Variants in KMT2A observed in about 807,000 individuals in gnomAD.
KMT2A encodes the protein lysine methyltransferase 2A, also known as histone-lysine N-methyltransferase 2A.
KMT2A carries 16 observed loss-of-function variants against 345.3 expected under a neutral mutation model. The observed-to-expected ratio is 0.05, with a 90% CI of 0.03 to 0.07. The LOEUF (loss-of-function observed/expected upper bound fraction) is 0.07, where lower values mean the gene tolerates loss of function less well. Ranked by LOEUF, KMT2A falls within the 10% of genes least tolerant of loss-of-function variation. The pLI is 1.00. For synonymous variants in KMT2A, 1,599 were observed against 1,778.6 expected, an observed-to-expected ratio of 0.90 and a Z score of 2.54; for missense variants, 3,272 against 4,841.6, an observed-to-expected ratio of 0.68 and a Z score of 9.62.
chr11:118,463,930 A>AT (rs1156417627), intron 1 of KMT2A, among the ~76,000 whole-genome samples: 1 of 152,236 alleles, frequency 6.6e-6, no homozygotes, highest in Non-Finnish European at 1.5e-5. Context: ...TCAGAGCAAC[A>AT]TAAGTTCTGC....
At position 118,510,402 on chromosome 11, in the gene KMT2A, T is replaced by C. The variant is rs1344634325; in HGVS notation, c.11071+284T>C. 2.0e-5 allele frequency among the ~76,000 whole-genome samples: 3 copies of C among 152,130 alleles called. No homozygotes were observed. Among genetic ancestry groups the C allele is most frequent in the African/African-American group, 7.2e-5 (3 of 41,432 alleles). ...CCCCCTCCAGCCTTGTTTTTTGCCA[T>C]TCCCTCATGCGCCTTCTGTGCCCTT... On this transcript the variant is annotated intron_variant, in intron 30 of 35. Coordinates refer to ENST00000534358, the MANE Select transcript of KMT2A (RefSeq NM_001197104.2). The surrounding 1 kb of genome is among the most constrained non-coding windows in gnomAD (Gnocchi z 4.1).
At chr11:118,514,613 G>GTAT (rs1164685382) in intron 31 of KMT2A, among the ~76,000 whole-genome samples, 2 of 150,380 alleles carry the variant, frequency 1.3e-5, no homozygotes, top group Non-Finnish European at 3.0e-5. Flanking sequence ...GCTATTTTTT[G>GTAT]TATTATTATT....
At chr11:118,467,006 C>A (rs1434736972) in intron 1 of KMT2A, among the ~76,000 whole-genome samples, 2 of 151,722 alleles carry the variant, frequency 1.3e-5, no homozygotes, top group African/African-American at 4.8e-5. Flanking sequence ...CCAGCCTGAG[C>A]AAAATATGTA....
Position 118,503,252 on chromosome 11 carries a change from C to G in KMT2A, c.7360C>G (p.Gln2454Glu), listed in dbSNP as rs781793404. Residue 2454 changes from glutamine to glutamate, a missense_variant, in exon 27 of 36, where the codon CAG becomes GAG. Gln to Glu is a conservative substitution (Grantham distance 29). This residue lies in a region of KMT2A where 445 missense variants were observed against 500.9 expected (regional missense o/e 0.89). Coordinates refer to ENST00000534358, the MANE Select transcript of KMT2A (RefSeq NM_001197104.2). The surrounding 1 kb of genome is among the most constrained non-coding windows in gnomAD (Gnocchi z 5.3). ...CAGTAAATCTTTTTTGGAACCTGGT[C>G]AGGTGACAACTGGTGAGGAAGGAAA... ...HSSKSFLEPG[Q>E]VTTGEEGNLK... 1 of 1,614,038 alleles carries G rather than the reference C, an allele frequency of 6.2e-7. No individual in the cohort carries two copies. Among genetic ancestry groups the G allele is most frequent in the South Asian group, 1.1e-5 (1 of 91,036 alleles).
Position 118,503,577 on chromosome 11 carries a change from T to C in KMT2A, c.7685T>C (p.Ile2562Thr). ...QIESTSPTEP[I>T]SASENPGDGP... ...GAGTCAACATCTCCCACAGAACCAA[T>C]TTCAGCCTCTGAAAATCCAGGAGAT... The change falls in exon 27 of 36, where the codon ATT becomes ACT. Residue 2562 changes from isoleucine (I) to threonine (T), a missense_variant. Physicochemically the swap from Ile to Thr is moderately conservative, Grantham distance 89. This residue lies in a region of KMT2A where 445 missense variants were observed against 500.9 expected (regional missense o/e 0.89). Transcript: ENST00000534358. This position sits in a 1 kb window ranked among gnomAD's most constrained non-coding sequence, Gnocchi z 5.3. 1 of 1,614,114 alleles carries C rather than the reference T, an allele frequency of 6.2e-7. No homozygotes were observed. The highest frequency in any genetic ancestry group is 8.5e-7 in the Non-Finnish European group (1 of 1,180,004).
chr11:118,522,264 A>G lies in KMT2A; in HGVS notation c.*92A>G. On this transcript the variant is annotated 3_prime_UTR_variant, in exon 36 of 36. Coordinates refer to ENST00000534358, the MANE Select transcript of KMT2A (RefSeq NM_001197104.2). This position sits in a 1 kb window ranked among gnomAD's most constrained non-coding sequence, Gnocchi z 5.4. ...TTTTCCAGCAGCTGGGAGCTCCCGG[A>G]TTGCGTGGCACAGCTGAGGGGCCTC... is the stretch of plus-strand genomic sequence containing the variant. 7.2e-7 allele frequency: 1 copy of G among 1,391,624 alleles called. No individual in the cohort carries two copies. Among genetic ancestry groups the G allele is most frequent in the Non-Finnish European group, 1.0e-6 (1 of 1,002,344 alleles). The allele number at this position is 1,391,624 out of a possible 1,614,324, so 86.2% of individuals were successfully genotyped here.
chr11:118,441,515 T>C (rs1555140104), intron 1 of KMT2A, among the ~76,000 whole-genome samples: 1 of 152,182 alleles, frequency 6.6e-6, no homozygotes, highest in Non-Finnish European at 1.5e-5. Flanking sequence ...TGTGTTGTCA[T>C]TGTTGTGAAT....
chr11:118,454,994 C>T (rs1424700660), intron 1 of KMT2A, among the ~76,000 whole-genome samples: 3 of 152,052 alleles, frequency 2.0e-5, no homozygotes, highest in Non-Finnish European at 4.4e-5. Flanking sequence ...TAACACCTCT[C>T]CACCCCCCAC....
intron 6 of KMT2A, among the ~76,000 whole-genome samples, chr11:118,480,759 C>A (rs1052616509): frequency 6.6e-6 from 1 of 152,100 alleles, no homozygotes; most frequent in African/African-American, 2.4e-5. Flanking sequence ...ACCTCCCACG[C>A]TCAAGCCATC....
At chr11:118,499,947 C>T (rs782636439) in intron 24 of KMT2A, 34 bp downstream of exon 24, 8 of 1,435,418 alleles carry the variant, frequency 5.6e-6, no homozygotes, top group Non-Finnish European at 7.9e-6. Context: ...AGAGCAGCCC[C>T]ACAACCTGAA....
chr11:118,455,277 C>A (rs1269043155), intron 1 of KMT2A, among the ~76,000 whole-genome samples: 2 of 152,112 alleles, frequency 1.3e-5, no homozygotes, highest in Non-Finnish European at 2.9e-5. Context: ...TTTGTTAGTT[C>A]TTTACATGTA....
At chr11:118,455,928 A>G (rs1278973522) in intron 1 of KMT2A, among the ~76,000 whole-genome samples, 3 of 152,100 alleles carry the variant, frequency 2.0e-5, no homozygotes, top group Non-Finnish European at 2.9e-5. Context: ...GTCTCAAGCA[A>G]GCTGCCTGCT....
At chr11:118,458,161 G>A in intron 1 of KMT2A, 1 of 400,086 alleles carries the variant, frequency 2.5e-6, no homozygotes, top group South Asian at 1.7e-5. Flanking sequence ...ACAGTTCACT[G>A]CAGCCTGTAT....
chr11:118,447,015 A>G (rs1277961352), intron 1 of KMT2A, among the ~76,000 whole-genome samples: 3 of 152,142 alleles, frequency 2.0e-5, no homozygotes, highest in Non-Finnish European at 4.4e-5. Flanking sequence ...CCTTTGCCTT[A>G]AAGTCTTTCC....
chr11:118,496,270 G>A lies in KMT2A; in HGVS notation c.5567G>A (p.Arg1856Lys). 6.2e-7 allele frequency: 1 copy of A among 1,612,600 alleles called. No homozygotes were observed. Among genetic ancestry groups the A allele is most frequent in the African/African-American group, 1.3e-5 (1 of 74,974 alleles). ...TCTTTTGGATTTCAAGGTACTGATA[G>A]GAGTCGAGAAGACAGTCCAGAGCTG... Reference protein sequence around the residue: ...PPTPPILSTDRSREDSPELNP... With the variant: ...PPTPPILSTDKSREDSPELNP... Residue 1856 changes from arginine (R) to lysine (K), a missense_variant, in exon 20 of 36, where the codon AGG becomes AAG. Physicochemically the swap from Arg to Lys is conservative, Grantham distance 26. Coordinates refer to ENST00000534358, the MANE Select transcript of KMT2A (RefSeq NM_001197104.2). This position sits in a 1 kb window ranked among gnomAD's most constrained non-coding sequence, Gnocchi z 4.7.
In KMT2A at chr11:118,501,178, C is replaced by G. The variant is rs782062928; in HGVS notation, c.6319+31C>G. 5 of 1,604,558 alleles carry G rather than the reference C, an allele frequency of 3.1e-6. No homozygotes were observed. In the South Asian group the frequency reaches 5.5e-5, roughly 18 times the overall value. On this transcript the variant is annotated intron_variant, in intron 25 of 35. Transcript: ENST00000534358. ...TCTTGAATCAAGATGGGACTTGAGG[C>G]TGGGCACAGTGGCTCACGCCTGTAA...
intron 1 of KMT2A, among the ~76,000 whole-genome samples, chr11:118,457,464 G>A (rs570212246): frequency 3.8e-4 from 57 of 151,230 alleles, no homozygotes; most frequent in African/African-American, 1.4e-3. Flanking sequence ...GTAGAGACAG[G>A]GTTTCACCAT....
In KMT2A at chr11:118,490,070, G is replaced by T. The variant is rs1950301030; in HGVS notation, c.4576-59G>T. Reference sequence around the variant, plus strand: ...AATGGATGCATTTAAGATCTTTTTAGTTAAGTAAAGATATTAAAAACAAGA... The same window carrying T: ...AATGGATGCATTTAAGATCTTTTTATTTAAGTAAAGATATTAAAAACAAGA... On this transcript the variant is annotated intron_variant, in intron 12 of 35. Transcript: ENST00000534358. The surrounding 1 kb of genome is among the most constrained non-coding windows in gnomAD (Gnocchi z 4.2). 9.1e-6 allele frequency: 14 copies of T among 1,534,800 alleles called. No individual in the cohort carries two copies. Among genetic ancestry groups the T allele is most frequent in the Non-Finnish European group, 8.8e-7 (1 of 1,133,056 alleles).
chr11:118,436,723 G>A lies in KMT2A; in HGVS notation c.211G>A (p.Gly71Arg), dbSNP rs1423453846. Reference sequence around the variant, plus strand: ...CGCGGCGGCGGCGGCGGGAAGCAGCGGGGCTGGGGTTCCAGGGGGAGCGGC... The same window carrying A: ...CGCGGCGGCGGCGGCGGGAAGCAGCAGGGCTGGGGTTCCAGGGGGAGCGGC... The part of the protein sequence containing the change: ...AAAAAAAGSS[G>R]AGVPGGAAAA... The change falls in exon 1 of 36, where the codon GGG (glycine) becomes AGG (arginine). Residue 71 changes from glycine to arginine, a missense_variant. Around this residue, in one of 27 missense-constraint regions of KMT2A, gnomAD observed 412 missense variants for 511.0 expected, o/e 0.81. Transcript: ENST00000534358. The surrounding 1 kb of genome is among the most constrained non-coding windows in gnomAD (Gnocchi z 6.9). 1 of 1,434,370 alleles carries A rather than the reference G, an allele frequency of 7.0e-7. No individual in the cohort carries two copies. Among genetic ancestry groups the A allele is most frequent in the Non-Finnish European group, 9.2e-7 (1 of 1,086,022 alleles). 88.9% of individuals were successfully genotyped at this position (1,434,370 alleles called of 1,614,324 possible).
Sources: gnomAD v4.1 joint callset for allele counts (sites outside exome capture counted in the v4.1 genomes callset) on GRCh38, gnomAD v4.1.1 for gene constraint, gnomAD v4.1.1 regional missense constraint, Gnocchi (gnomAD v3.1) non-coding constraint, MANE v1.5 for transcripts, NCBI Gene and HGNC (gene_info 2026-07-23, HGNC 2026-07-21) for gene names.